UBR1: variants seen among roughly 807,000 people sequenced by gnomAD.
UBR1 encodes the protein ubiquitin protein ligase E3 component n-recognin 1.
Under a neutral mutation model 242.1 loss-of-function variants are expected in UBR1, and 102 were observed. The observed-to-expected ratio is 0.42, with a 90% CI of 0.36 to 0.50. The LOEUF (loss-of-function observed/expected upper bound fraction) is 0.50, where lower values mean the gene tolerates loss of function less well. Ranked by LOEUF, UBR1 falls within the 20% of genes least tolerant of loss-of-function variation. The pLI is 0.01. For synonymous variants in UBR1, 675 were observed against 684.8 expected (o/e 0.99, Z 0.22); for missense variants, 1,772 against 2,101.8 (o/e 0.84, Z 3.07).
chr15:42,988,993 A>G, intron 34 of UBR1, 26 bp from the exon 35 acceptor site: 1 of 1,569,754 alleles, frequency 6.4e-7, no homozygotes, highest in South Asian at 1.1e-5. Context: ...GAAAATTTGT[A>G]TGATTTAGTA....
At chr15:43,038,116 AAG>A in intron 16 of UBR1, 53 bp downstream of exon 16, 2 of 1,584,028 alleles carry the variant, frequency 1.3e-6, no homozygotes, top group East Asian at 4.5e-5. Context: ...TCCATCAACC[AAG>A]AGATATTCAG....
rs944146380 is a variant in UBR1 at position 43,038,302 on chromosome 15, T to A, written c.1850-70A>T. 1.3e-5 allele frequency: 19 copies of A among 1,490,414 alleles called. No homozygotes were observed. The Admixed American group carries it at 3.2e-4, about 25-fold the overall frequency. The allele number at this position is 1,490,414 out of a possible 1,614,324, so 92.3% of individuals were successfully genotyped here. Reference sequence around the variant, plus strand: ...TTTGTTAACTAGTTAACTCATCAAGTTTAGAAACTTGTGCGATTTGATTTG... The same window carrying A: ...TTTGTTAACTAGTTAACTCATCAAGATTAGAAACTTGTGCGATTTGATTTG... On this transcript the variant is annotated intron_variant, in intron 15 of 46. Coordinates refer to ENST00000290650, the MANE Select transcript of UBR1 (RefSeq NM_174916.3).
At chr15:43,061,245 T>C (rs189550188) in intron 6 of UBR1, among the ~76,000 whole-genome samples, 9 of 152,142 alleles carry the variant, frequency 5.9e-5, no homozygotes, top group Non-Finnish European at 1.0e-4. Flanking sequence ...GCTCACATCA[T>C]GAATTTTAGC....
chr15:42,959,731 A>C (rs1377617645), intron 43 of UBR1, among the ~76,000 whole-genome samples: 1 of 152,128 alleles, frequency 6.6e-6, no homozygotes, highest in East Asian at 1.9e-4. Flanking sequence ...TAGTGATGTG[A>C]CTCCTACTGC....
At chr15:43,050,405 A>G (rs1260560017) in intron 12 of UBR1, among the ~76,000 whole-genome samples, 2 of 152,158 alleles carry the variant, frequency 1.3e-5, no homozygotes, top group Non-Finnish European at 2.9e-5. Context: ...TAAATTTACA[A>G]AAAAGAAAAA....
At chr15:42,996,151 C>T (rs148696900) in intron 33 of UBR1, among the ~76,000 whole-genome samples, 24 of 152,336 alleles carry the variant, frequency 1.6e-4, no homozygotes, top group African/African-American at 5.8e-4. Context: ...ACTACTTCAG[C>T]CCCTACTGAT....
intron 38 of UBR1, 119 bp from the exon 39 acceptor site, chr15:42,976,986 T>C: frequency 8.9e-7 from 1 of 1,121,312 alleles, no homozygotes; most frequent in East Asian, 2.6e-5. Flanking sequence ...TGTTTTTTAA[T>C]AAAAACCATA....
intron 1 of UBR1, among the ~76,000 whole-genome samples, chr15:43,097,692 T>C (rs867358148): frequency 6.6e-6 from 1 of 152,246 alleles, no homozygotes; most frequent in African/African-American, 2.4e-5. Context: ...CGAACCAACC[T>C]CTGCCAGCTT....
chr15:43,047,133 A>C, intron 14 of UBR1, 28 bp downstream of exon 14: 1 of 1,613,766 alleles, frequency 6.2e-7, no homozygotes, highest in Non-Finnish European at 8.5e-7. Flanking sequence ...TTAAAAAGGC[A>C]CTGATCCTAC....
At chr15:43,063,985 C>T (rs2033718845) in intron 6 of UBR1, among the ~76,000 whole-genome samples, 1 of 152,250 alleles carries the variant, frequency 6.6e-6, no homozygotes, top group Admixed American at 6.5e-5. Context: ...ATCCGCCCAC[C>T]TCAGCCTCCC....
chr15:43,040,515 A>T (rs2033403483), intron 15 of UBR1, among the ~76,000 whole-genome samples: 1 of 152,206 alleles, frequency 6.6e-6, no homozygotes, highest in African/African-American at 2.4e-5. Context: ...AACCTAGGCA[A>T]TACCATTCAG....
At position 42,944,057 on chromosome 15, in the gene UBR1, A is replaced by G. The variant is rs1483848720; in HGVS notation, c.*1272T>C. 6.6e-6 allele frequency: 1 copy of G among 152,248 alleles called. No homozygotes were observed. Among genetic ancestry groups the G allele is most frequent in the African/African-American group, 2.4e-5 (1 of 41,442 alleles). 9.4% of individuals were successfully genotyped at this position (152,248 alleles called of 1,614,324 possible). On this transcript the variant is annotated 3_prime_UTR_variant, in exon 47 of 47. Transcript: ENST00000290650. ...GAAAACATTTACACACATATGTGAG[A>G]CACTAATAGCCAAGGGCAAAATAAG...
chr15:43,010,707 C>G (rs2032910403), intron 29 of UBR1, among the ~76,000 whole-genome samples: 2 of 151,288 alleles, frequency 1.3e-5, no homozygotes, highest in African/African-American at 4.9e-5. Flanking sequence ...CACACTAGCT[C>G]ACGCCTTGTA....
chr15:42,998,253 A>G lies in UBR1; in HGVS notation c.3672T>C (p.Asp1224=), dbSNP rs1341889165. The change falls in exon 33 of 47, where the codon GAT becomes GAC. Residue 1224 remains aspartate (D), a synonymous_variant. Coordinates refer to ENST00000290650, the MANE Select transcript of UBR1 (RefSeq NM_174916.3). ...CCAGGGTCAAAAGTTGAGCAAGAGCATCTGCATTCTCACTGAAAAATGATA... is the reference window on the plus strand; with the variant it reads ...CCAGGGTCAAAAGTTGAGCAAGAGCGTCTGCATTCTCACTGAAAAATGATA... ...QPQKINSENA[D]ALAQLLTLAR... The G allele has an allele frequency of 6.2e-7, 1 of 1,613,768 alleles. No homozygotes were observed. Among genetic ancestry groups the G allele is most frequent in the Non-Finnish European group, 8.5e-7 (1 of 1,179,834 alleles).
At chr15:43,021,172 A>G (rs559517576) in intron 27 of UBR1, 103 bp downstream of exon 27, 5 of 823,824 alleles carry the variant, frequency 6.1e-6, no homozygotes, top group Non-Finnish European at 8.1e-6. Context: ...TATGAAAACC[A>G]GTAGTAAATG....
Position 42,958,099 on chromosome 15 carries a change from T to G in UBR1, c.4758-9A>C. The G allele has an allele frequency of 6.2e-7, 1 of 1,607,100 alleles. No individual in the cohort carries two copies. The highest frequency in any genetic ancestry group is 8.5e-7 in the Non-Finnish European group (1 of 1,174,272). On this transcript the variant is annotated splice_polypyrimidine_tract_variant and intron_variant, in intron 43 of 46. Transcript: ENST00000290650. Reference sequence around the variant, plus strand: ...TTCTTTTTCTAGGGTACCTACAATGTAATTTAAAAGGCAATTTTATTTTAG... The same window carrying G: ...TTCTTTTTCTAGGGTACCTACAATGGAATTTAAAAGGCAATTTTATTTTAG...
rs767487834 is a variant in UBR1, at chr15:43,021,280, G to C, written c.2935C>G (p.Leu979Val). ...ACTTTACTTTTTTAGTTTACCTGAA[G>C]TATCCACGTTATCATGTCCTTCTGG... Reference protein sequence around the residue: ...EGQKDMITWILQMFDTVKRLR... With the variant: ...EGQKDMITWIVQMFDTVKRLR... Residue 979 changes from leucine to valine, a missense_variant, in exon 27 of 47, where the codon CTT (leucine) becomes GTT (valine). Leu to Val is a conservative substitution (Grantham distance 32, BLOSUM62 1). This residue lies in a region of UBR1 where 965 missense variants were observed against 1,079.7 expected (regional missense o/e 0.89). Coordinates refer to ENST00000290650, the MANE Select transcript of UBR1 (RefSeq NM_174916.3). 7.8e-5 allele frequency: 126 copies of C among 1,613,244 alleles called. No homozygotes were observed. Among genetic ancestry groups the C allele is most frequent in the Non-Finnish European group, 1.0e-4 (119 of 1,179,500 alleles).
At chr15:42,988,749 G>T in intron 35 of UBR1, 70 bp downstream of exon 35, 5 of 1,594,718 alleles carry the variant, frequency 3.1e-6, no homozygotes, top group Non-Finnish European at 3.4e-6. Flanking sequence ...GTGAAAAAAA[G>T]AATTTAAGAA....
chr15:42,981,992 A>T (rs1286573182), intron 37 of UBR1, among the ~76,000 whole-genome samples: 1 of 152,216 alleles, frequency 6.6e-6, no homozygotes, highest in Admixed American at 6.5e-5. Context: ...ATTAGAGATT[A>T]TACACCATCA....
Sources: allele counts gnomAD v4.1 joint callset (sites outside exome capture counted in the v4.1 genomes callset), GRCh38; gene constraint gnomAD v4.1.1; regional missense constraint gnomAD v4.1.1; transcripts MANE v1.5; gene names NCBI Gene and HGNC (gene_info 2026-07-23, HGNC 2026-07-21).